HUWE1: variants seen among roughly 807,000 people sequenced by gnomAD.
The protein encoded by HUWE1 is E3 ubiquitin-protein ligase HUWE1.
Under a neutral mutation model 299.4 loss-of-function variants are expected in HUWE1, and 18 were observed. That is an observed-to-expected ratio of 0.06 (90% CI 0.04 to 0.09). HUWE1 has a LOEUF of 0.09. Among genes scored for constraint, HUWE1 ranks in the 10% least tolerant of loss-of-function variants. The probability of loss-of-function intolerance (pLI) is 1.00; values close to 1 mark genes in which losing one functional copy is unlikely to be tolerated. For synonymous variants in HUWE1, 1,317 were observed against 1,286.1 expected (o/e 1.02, Z -0.51); for missense variants, 1,832 against 3,462.3 (o/e 0.53, Z 11.82).
chrX:53,537,549 C>T lies in HUWE1; in HGVS notation c.12137+7G>A. 8.3e-7 allele frequency: 1 copy of T among 1,210,145 alleles called. No homozygotes were observed. The stretch of plus-strand genomic sequence containing the variant: ...CCGCCATCTTTTCTCCGTTCCTGGG[C>T]CCTTACAATCGATTCTTCATTTCTT... On this transcript the variant is annotated splice_region_variant and intron_variant, in intron 78 of 83. Coordinates refer to ENST00000262854, the MANE Select transcript of HUWE1 (RefSeq NM_031407.7).
At chrX:53,565,393 A>T (rs1404954672) in intron 49 of HUWE1, among the ~76,000 whole-genome samples, 154 bp from the exon 50 acceptor site, 1 of 111,517 alleles carries the variant, frequency 9.0e-6, no homozygotes, top group Non-Finnish European at 1.9e-5. Context: ...GAAAAAAAAA[A>T]TTTTGACTTA....
chrX:53,640,152 A>C (rs1355282810), intron 7 of HUWE1, among the ~76,000 whole-genome samples: 1 of 112,520 alleles, frequency 8.9e-6, no homozygotes. Context: ...TGAGCTCAGG[A>C]GTTGGAGACC....
chrX:53,573,784 C>T lies in HUWE1; in HGVS notation c.6278G>A (p.Ser2093Asn). The change falls in exon 47 of 84, where the codon AGC becomes AAC. Residue 2093 changes from serine to asparagine, a missense_variant. Coordinates refer to ENST00000262854, the MANE Select transcript of HUWE1 (RefSeq NM_031407.7). The stretch of plus-strand genomic sequence containing the variant: ...CAGTTCAGACTGGCCCACAGTGTAG[C>T]TGTAGTTGGCAATCAGGGTAGCAAT... ...VGIATLIANY[S>N]YTVGQSELIK... The T allele has an allele frequency of 8.3e-7, 1 of 1,210,850 alleles. No homozygotes were observed. The highest frequency in any genetic ancestry group is 1.1e-6 in the Non-Finnish European group (1 of 894,424).
intron 3 of HUWE1, among the ~76,000 whole-genome samples, chrX:53,678,413 G>A (rs922442130): frequency 9.0e-6 from 1 of 111,583 alleles, no homozygotes; most frequent in African/African-American, 3.3e-5. Flanking sequence ...GTAACCAGTC[G>A]TTGAGGAAAC....
Position 53,661,644 on chromosome X carries a change from G to A in HUWE1, c.-24-7513C>T, listed in dbSNP as rs1489145601. On this transcript the variant is annotated intron_variant, in intron 3 of 83. Coordinates refer to ENST00000262854, the MANE Select transcript of HUWE1 (RefSeq NM_031407.7). Reference sequence around the variant, plus strand: ...AGAAATGGCCTACTGCCTTTGTTGGGTCAGAACCAGAACTCAGGGCACCAA... The same window carrying A: ...AGAAATGGCCTACTGCCTTTGTTGGATCAGAACCAGAACTCAGGGCACCAA... Among the ~76,000 whole-genome samples, 4 of 111,979 alleles carry A rather than the reference G, an allele frequency of 3.6e-5. No homozygotes were observed. In the East Asian group the frequency reaches 1.1e-3, roughly 31 times the overall value.
At chrX:53,678,508 A>G (rs1417456736) in intron 3 of HUWE1, among the ~76,000 whole-genome samples, 3 of 112,157 alleles carry the variant, frequency 2.7e-5, no homozygotes, top group African/African-American at 9.7e-5. Context: ...AAAGCAGCCT[A>G]AAAGTCCTTA....
chrX:53,538,968 A>C lies in HUWE1; in HGVS notation c.11745T>G (p.Pro3915=). The C allele has an allele frequency of 1.7e-6, 2 of 1,208,006 alleles. No individual in the cohort carries two copies. The highest frequency in any genetic ancestry group is 1.1e-6 in the Non-Finnish European group (1 of 894,084). The change falls in exon 76 of 84, where the codon CCT becomes CCG. Residue 3915 remains proline, a synonymous_variant. Transcript: ENST00000262854. ...TTAAGGGGGCAGGGGAGAGTGGAGG[A>C]GGCTCGTCCTTGATGTGTGCCAGCT... The part of the protein sequence containing the change: ...ESQLAHIKDE[P]PPLSPAPLTP...
intron 60 of HUWE1, among the ~76,000 whole-genome samples, chrX:53,555,636 C>CT (rs1175050260): frequency 0.015 from 1,149 of 75,239 alleles, 30 homozygotes; most frequent in African/African-American, 0.043. Context: ...CCTTCAAAAT[C>CT]TTTTTTTTTT....
rs34675759 is a variant in HUWE1 at position 53,535,922 on chromosome X, G to GTT, written c.12531+223_12531+224dup. The stretch of plus-strand genomic sequence containing the variant: ...TGGGAATGAGGAATTATGTACTGGA[G>GTT]TTTTTTTTTTTTTTTTTTTTTAATA... On this transcript the variant is annotated intron_variant, in intron 80 of 83. Transcript: ENST00000262854. 13,753 of 155,283 alleles carry GTT rather than the reference G, an allele frequency of 0.089. 208 individuals carry two copies. The highest frequency in any genetic ancestry group is 0.13 in the Middle Eastern group (53 of 413). 12.8% of individuals were successfully genotyped at this position (155,283 alleles called of 1,213,427 possible). A position where few individuals can be genotyped will look rare whatever the true frequency, so the allele number is the denominator to read the frequency against.
At position 53,597,035 on chromosome X, in the gene HUWE1, A is replaced by T. The variant is rs1288890409; in HGVS notation, c.3164-1632T>A. Among the ~76,000 whole-genome samples, 5 of 112,419 alleles carry T rather than the reference A, an allele frequency of 4.4e-5. No homozygotes were observed. In the East Asian group the frequency reaches 1.4e-3, roughly 31 times the overall value. ...TATGTGGGTACAGGATTGCCATAAT[A>T]AAGACAAATCTATAGATTCTAATGC... On this transcript the variant is annotated intron_variant, in intron 29 of 83. Transcript: ENST00000262854.
At chrX:53,585,498 G>A (rs1406289171) in intron 39 of HUWE1, among the ~76,000 whole-genome samples, 2 of 111,211 alleles carry the variant, frequency 1.8e-5, no homozygotes, top group Non-Finnish European at 3.8e-5. Flanking sequence ...CCTCATGAAT[G>A]GATTAATGTC....
rs1204357928 is a variant in HUWE1 at position 53,644,017 on chromosome X, T to A, written c.504+1294A>T. On this transcript the variant is annotated intron_variant, in intron 7 of 83. Coordinates refer to ENST00000262854, the MANE Select transcript of HUWE1 (RefSeq NM_031407.7). ...TTTTGTACTTTTTGCAGAGACGGGA[T>A]TTCGCCATGTTGCCCAGGCTGGTCT... 2.7e-5 allele frequency among the ~76,000 whole-genome samples: 3 copies of A among 111,155 alleles called. No homozygotes were observed. In the East Asian group the frequency reaches 8.5e-4, roughly 31 times the overall value.
chrX:53,589,589 T>A lies in HUWE1; in HGVS notation c.4419A>T (p.Gly1473=). The A allele has an allele frequency of 8.3e-7, 1 of 1,210,977 alleles. No individual in the cohort carries two copies. The highest frequency in any genetic ancestry group is 2.2e-5 in the Admixed American group (1 of 46,016). ...TCAGAATCATGTCACGATAATCTGC[T>A]CCATTACGTTTGATTGCTGTCATGA... The part of the protein sequence containing the change: ...DLIMTAIKRN[G]ADYRDMILKQ... The change falls in exon 36 of 84, where the codon GGA becomes GGT. Residue 1473 remains glycine (G), a synonymous_variant. Coordinates refer to ENST00000262854, the MANE Select transcript of HUWE1 (RefSeq NM_031407.7).
At chrX:53,591,811 T>G (rs1556979221) in intron 33 of HUWE1, among the ~76,000 whole-genome samples, 1 of 112,047 alleles carries the variant, frequency 8.9e-6, no homozygotes, top group African/African-American at 3.2e-5. Flanking sequence ...TATTTATTAC[T>G]TTAATGATAA....
rs782594434 is a variant in HUWE1 at position 53,602,704 on chromosome X, T to TAC, written c.2877-48_2877-47dup. 3.2e-4 allele frequency: 194 copies of TAC among 602,650 alleles called. No homozygotes were observed. The African/African-American group carries it at 4.0e-3, about 12-fold the overall frequency. The allele number at this position is 602,650 out of a possible 1,213,427, so 49.7% of individuals were successfully genotyped here. ...AGCAAAAGAAATATATATATATATA[T>TAC]ACTGATAATTCACCTCTTATATTGT... On this transcript the variant is annotated intron_variant, in intron 27 of 83. Coordinates refer to ENST00000262854, the MANE Select transcript of HUWE1 (RefSeq NM_031407.7).
rs781932533 is a variant in HUWE1 at position 53,586,925 on chromosome X, G to GA, written c.4615-17dup. The GA allele has an allele frequency of 3.3e-6, 4 of 1,209,550 alleles. No individual in the cohort carries two copies. Among genetic ancestry groups the GA allele is most frequent in the Non-Finnish European group, 4.5e-6 (4 of 894,024 alleles). On this transcript the variant is annotated splice_polypyrimidine_tract_variant and intron_variant, in intron 37 of 83. Coordinates refer to ENST00000262854, the MANE Select transcript of HUWE1 (RefSeq NM_031407.7). ...GCTTCAACTCCTGATAGATCAAAGG[G>GA]AAAAAACAACAACAACCAGATACCA...
rs2234478 is a variant in HUWE1 at position 53,534,452 on chromosome X, C to T, written c.12831+64G>A. 48 of 1,014,642 alleles carry T rather than the reference C, an allele frequency of 4.7e-5. No individual in the cohort carries two copies. In the African/African-American group the frequency reaches 7.6e-4, roughly 16 times the overall value. 83.6% of individuals were successfully genotyped at this position (1,014,642 alleles called of 1,213,427 possible). ...AGAGTACTACTGGTTTATTTGGTAT[C>T]ACACAAACTAGCGTTGCCTAGGGTA... On this transcript the variant is annotated intron_variant, in intron 82 of 83. Transcript: ENST00000262854.
intron 4 of HUWE1, 94 bp downstream of exon 4, chrX:53,653,969 G>C (rs2068625907): frequency 9.9e-6 from 6 of 605,945 alleles, no homozygotes; most frequent in Non-Finnish European, 1.6e-5. Context: ...ATATATGGGT[G>C]ATGAGATTTG....
chrX:53,645,340 G>A lies in HUWE1; in HGVS notation c.475C>T (p.Leu159=). 1 of 1,211,192 alleles carries A rather than the reference G, an allele frequency of 8.3e-7. No individual in the cohort carries two copies. Among genetic ancestry groups the A allele is most frequent in the Non-Finnish European group, 1.1e-6 (1 of 895,310 alleles). ...GCCAAATGTTGTAGCCGAGTTAGCAGCGGGGTCCTCTTGTCAGATCCCAGA... is the reference window on the plus strand; with the variant it reads ...GCCAAATGTTGTAGCCGAGTTAGCAACGGGGTCCTCTTGTCAGATCCCAGA... ...TRLGSDKRTP[L]LTRLQHLAES... Residue 159 remains leucine, a synonymous_variant, in exon 7 of 84, where the codon CTG becomes TTG. Transcript: ENST00000262854.
Sources: allele counts gnomAD v4.1 joint callset (sites outside exome capture counted in the v4.1 genomes callset), GRCh38; gene constraint gnomAD v4.1.1; transcripts MANE v1.5; gene names NCBI Gene and HGNC (gene_info 2026-07-23, HGNC 2026-07-21).